Variants in ELP4 observed in about 807,000 individuals in gnomAD.
The protein encoded by ELP4 is elongator acetyltransferase complex subunit 4.
A neutral mutation model predicts 48.9 loss-of-function variants in ELP4; 51 were observed. That is an observed-to-expected ratio of 1.04 (90% CI 0.83 to 1.32). ELP4 has a LOEUF of 1.32. Among genes scored for constraint, ELP4 ranks in the 40% most tolerant of loss-of-function variants. The pLI, the probability that ELP4 is intolerant of heterozygous loss-of-function variation, is 0.00. For synonymous variants in ELP4, 210 were observed against 189.2 expected (o/e 1.11, Z -0.90); for missense variants, 519 against 514.6 (o/e 1.01, Z -0.08).
At chr11:31,735,391 C>A (rs1947288485) in intron 9 of ELP4, among the ~76,000 whole-genome samples, 1 of 151,950 alleles carries the variant, frequency 6.6e-6, no homozygotes, top group Non-Finnish European at 1.5e-5. Flanking sequence ...ATAAAAGCTT[C>A]TCATTCCCTT....
chr11:31,771,789 C>A (rs1948148505), intron 9 of ELP4, among the ~76,000 whole-genome samples: 1 of 152,162 alleles, frequency 6.6e-6, no homozygotes, highest in South Asian at 2.1e-4. Flanking sequence ...ACCATCCTGG[C>A]TAACACAGTG....
intron 5 of ELP4, among the ~76,000 whole-genome samples, chr11:31,625,756 A>G (rs1680395324): frequency 6.6e-6 from 1 of 151,874 alleles, no homozygotes; most frequent in Admixed American, 6.6e-5. Context: ...TGCAAAGCAG[A>G]TTGATCCAGA....
intron 9 of ELP4, among the ~76,000 whole-genome samples, chr11:31,672,834 A>G (rs1945836637): frequency 6.6e-6 from 1 of 152,080 alleles, no homozygotes; most frequent in Non-Finnish European, 1.5e-5. Flanking sequence ...TTTAAAAAGA[A>G]AGTCATAATT....
chr11:31,724,520 C>T (rs1002816615), intron 9 of ELP4, among the ~76,000 whole-genome samples: 6 of 152,222 alleles, frequency 3.9e-5, no homozygotes, highest in African/African-American at 1.2e-4. Context: ...AATTCCTTGA[C>T]TCCAGTGCCT....
chr11:31,584,240 T>A (rs1296991443), intron 3 of ELP4, among the ~76,000 whole-genome samples: 3 of 151,954 alleles, frequency 2.0e-5, no homozygotes, highest in Admixed American at 2.0e-4. Flanking sequence ...CTTTCTCATT[T>A]CAGAAATAAA....
chr11:31,658,314 A>G (rs1290807678), intron 9 of ELP4, among the ~76,000 whole-genome samples: 2 of 151,820 alleles, frequency 1.3e-5, no homozygotes, highest in Non-Finnish European at 2.9e-5. Context: ...TTATAAAATT[A>G]TGATTGGATT....
intron 3 of ELP4, among the ~76,000 whole-genome samples, chr11:31,573,214 A>G (rs1957215294): frequency 6.6e-6 from 1 of 152,240 alleles, no homozygotes; most frequent in Middle Eastern, 3.2e-3. Context: ...GCCTACATGC[A>G]GTCTGTCTCC....
chr11:31,711,578 G>A (rs924475723), intron 9 of ELP4, among the ~76,000 whole-genome samples: 2 of 151,866 alleles, frequency 1.3e-5, no homozygotes, highest in African/African-American at 4.8e-5. Context: ...TATATTTTTG[G>A]TAAAATATAG....
At chr11:31,768,597 A>G (rs1948084047) in intron 9 of ELP4, among the ~76,000 whole-genome samples, 1 of 152,194 alleles carries the variant, frequency 6.6e-6, no homozygotes, top group Admixed American at 6.5e-5. Flanking sequence ...CATAAAATTA[A>G]TTTTCATGTT....
intron 2 of ELP4, among the ~76,000 whole-genome samples, chr11:31,533,365 A>ATCCTTTTTTTTTTT (rs1956433163): frequency 1.5e-5 from 1 of 67,742 alleles, no homozygotes; most frequent in African/African-American, 7.5e-5. Flanking sequence ...AAGCCATCTC[A>ATCCTTTTTTTTTTT]TTCTTTTTTT....
rs201524754 is a variant in ELP4 at position 31,717,082 on chromosome 11, G to GA, written c.1144-66302dup. Among the ~76,000 whole-genome samples, 304 of 150,130 alleles carry GA rather than the reference G, an allele frequency of 2.0e-3. 1 individual carries two copies. Among genetic ancestry groups the GA allele is most frequent in the African/African-American group, 7.0e-3 (286 of 40,932 alleles). ...CCCCAACTTGTTAATTTGGCAGCAG[G>GA]AAAAAAAAATGAATGAGATGGCCAC... On this transcript the variant is annotated intron_variant, in intron 9 of 9. Transcript: ENST00000640961.
chr11:31,517,110 T>A (rs2133873636), intron 1 of ELP4, among the ~76,000 whole-genome samples: 1 of 152,340 alleles, frequency 6.6e-6, no homozygotes, highest in Non-Finnish European at 1.5e-5. Context: ...GGCGCATGTA[T>A]GTTACCAGAT....
Position 31,541,017 on chromosome 11 carries a change from CATT to C in ELP4, c.381+1238_381+1240del, listed in dbSNP as rs146099548. 5.7e-4 allele frequency among the ~76,000 whole-genome samples: 87 copies of C among 152,262 alleles called. No individual in the cohort carries two copies. The East Asian group carries it at 7.9e-3, about 14-fold the overall frequency. Reference sequence around the variant, plus strand: ...TCCATAACAGAATCCTAATTTAAGACATTATTTGAATAGAGTTCATAATCTAAA... The same window carrying C: ...TCCATAACAGAATCCTAATTTAAGACATTTGAATAGAGTTCATAATCTAAA... On this transcript the variant is annotated intron_variant, in intron 3 of 9. Transcript: ENST00000640961.
In ELP4 at chr11:31,509,973, A is replaced by G. The variant is rs929831151; in HGVS notation, c.189A>G (p.Val63=). 29 of 1,612,602 alleles carry G rather than the reference A, an allele frequency of 1.8e-5. No individual in the cohort carries two copies. The highest frequency in any genetic ancestry group is 3.3e-5 in the South Asian group (3 of 91,024). Residue 63 remains valine, a synonymous_variant, in exon 1 of 10, where the codon GTA becomes GTG. Coordinates refer to ENST00000640961, the MANE Select transcript of ELP4 (RefSeq NM_019040.5). ...CGGTGCGGAATGGACAGCTGCTGGT[A>G]TCAACCGGGCTCCCAGCCCTAGACC... is the stretch of plus-strand genomic sequence containing the variant. ...RPSVRNGQLL[V]STGLPALDQL... is the part of the protein sequence containing the mutation.
chr11:31,696,423 A>G (rs371154802), intron 9 of ELP4, among the ~76,000 whole-genome samples: 13 of 151,938 alleles, frequency 8.6e-5, no homozygotes, highest in Non-Finnish European at 1.5e-4. Flanking sequence ...ATTTTGTTAT[A>G]TACCCAGTAG....
intron 3 of ELP4, among the ~76,000 whole-genome samples, chr11:31,544,329 C>A (rs552581037): frequency 6.6e-6 from 1 of 152,214 alleles, no homozygotes; most frequent in Non-Finnish European, 1.5e-5. Context: ...GTTTAAAAAA[C>A]GGCGCATCAG....
At chr11:31,548,741 C>G (rs1271669388) in intron 3 of ELP4, among the ~76,000 whole-genome samples, 3 of 152,256 alleles carry the variant, frequency 2.0e-5, no homozygotes, top group Admixed American at 6.5e-5. Context: ...AACTATACTA[C>G]AAGGCTACAG....
Position 31,783,572 on chromosome 11 carries a change from A to T in ELP4, c.*48A>T. 6.4e-7 allele frequency: 1 copy of T among 1,554,942 alleles called. No homozygotes were observed. The highest frequency in any genetic ancestry group is 1.1e-5 in the South Asian group (1 of 87,102). On this transcript the variant is annotated 3_prime_UTR_variant, in exon 10 of 10. Coordinates refer to ENST00000640961, the MANE Select transcript of ELP4 (RefSeq NM_019040.5). ...TGCAGAATTCTATGACACTCTAATT[A>T]TGATTGCTAATAGCTTATGTAAATA...
chr11:31,516,856 T>C (rs1266956951), intron 1 of ELP4, among the ~76,000 whole-genome samples: 2 of 152,202 alleles, frequency 1.3e-5, no homozygotes, highest in African/African-American at 4.8e-5. Context: ...CATCTGAAGA[T>C]AAAAGTTATC....
Sources: gnomAD v4.1 joint callset for allele counts (sites outside exome capture counted in the v4.1 genomes callset) on GRCh38, gnomAD v4.1.1 for gene constraint, MANE v1.5 for transcripts, NCBI Gene and HGNC (gene_info 2026-07-23, HGNC 2026-07-21) for gene names.